The following ERC2 variants were observed in gnomAD, a reference collection of about 807,000 sequenced individuals.
The protein encoded by ERC2 is ERC protein 2.
Under a neutral mutation model 114.8 loss-of-function variants are expected in ERC2, and 42 were observed. The ratio of observed to expected loss-of-function variants is 0.37; its 90% CI spans 0.29 to 0.47. ERC2 has a LOEUF of 0.47. Among genes scored for constraint, ERC2 ranks in the 20% least tolerant of loss-of-function variants. The pLI is 0.99. For synonymous variants in ERC2, 454 were observed against 425.5 expected (o/e 1.07, Z -0.82); for missense variants, 939 against 1,150.7 (o/e 0.82, Z 2.66).
rs112048851 is a variant in ERC2, at chr3:56,042,773, T to C, written c.1642-23742A>G. On this transcript the variant is annotated intron_variant, in intron 7 of 17. Transcript: ENST00000288221. The stretch of plus-strand genomic sequence containing the variant: ...CTGAATTTCAGATCATTTATACAAT[T>C]CATTTTCTCTTAAAACTAATTTTAA... Among the ~76,000 whole-genome samples the C allele has an allele frequency of 5.3e-3, 806 of 152,240 alleles. 3 individuals carry two copies. Among genetic ancestry groups the C allele is most frequent in the Non-Finnish European group, 8.9e-3 (605 of 68,014 alleles).
At chr3:55,617,069 C>T (rs2059150788) in intron 17 of ERC2, among the ~76,000 whole-genome samples, 1 of 152,166 alleles carries the variant, frequency 6.6e-6, no homozygotes. Context: ...ACCCAAGACC[C>T]ACCTCCTTTA....
rs540427408 is a variant in ERC2 at position 55,620,414 on chromosome 3, A to G, written c.*39+63380T>C. ...CCCTGCTTTGAATTTCGCTTCCTCA[A>G]TTACCACAGAAAATGAGGTGTCTCA... On this transcript the variant is annotated intron_variant, in intron 17 of 17. Transcript: ENST00000288221. Among the ~76,000 whole-genome samples the G allele has an allele frequency of 4.6e-5, 7 of 152,250 alleles. No homozygotes were observed. In the East Asian group the frequency reaches 1.3e-3, roughly 29 times the overall value.
intron 17 of ERC2, among the ~76,000 whole-genome samples, chr3:55,525,627 C>T (rs1218278825): frequency 6.6e-6 from 1 of 152,158 alleles, no homozygotes; most frequent in Non-Finnish European, 1.5e-5. Context: ...CCCAGTGAAC[C>T]TCAAGCACCA....
At position 56,360,208 on chromosome 3, in the gene ERC2, C is replaced by T. The variant is rs571561079; in HGVS notation, c.658-63773G>A. Among the ~76,000 whole-genome samples, 256 of 151,942 alleles carry T rather than the reference C, an allele frequency of 1.7e-3. 1 individual carries two copies. Among genetic ancestry groups the T allele is most frequent in the African/African-American group, 5.8e-3 (242 of 41,452 alleles). On this transcript the variant is annotated intron_variant, in intron 2 of 17. Transcript: ENST00000288221. ...GGGACTACAGGCACCCACCACCACA[C>T]CTGGCTAACTTTTTGCATTTTTAGT...
chr3:56,163,236 A>G (rs777377091), intron 4 of ERC2, among the ~76,000 whole-genome samples: 1 of 151,988 alleles, frequency 6.6e-6, no homozygotes, highest in Non-Finnish European at 1.5e-5. Context: ...GAGTATGGTT[A>G]CTATGATTTC....
chr3:55,546,646 C>A (rs2054772405), intron 17 of ERC2, among the ~76,000 whole-genome samples: 1 of 152,210 alleles, frequency 6.6e-6, no homozygotes, highest in African/African-American at 2.4e-5. Flanking sequence ...TGACACCAAT[C>A]AAAACGAGGT....
At position 56,149,053 on chromosome 3, in the gene ERC2, A is replaced by G; in HGVS notation, c.1229T>C (p.Leu410Pro). 2 of 1,613,502 alleles carry G rather than the reference A, an allele frequency of 1.2e-6. No individual in the cohort carries two copies. Among genetic ancestry groups the G allele is most frequent in the Non-Finnish European group, 1.7e-6 (2 of 1,179,606 alleles). Residue 410 changes from leucine to proline, a missense_variant, in exon 5 of 18, where the codon CTG becomes CCG. This residue lies in a region of ERC2 where 148 missense variants were observed against 159.1 expected (regional missense o/e 0.93). Coordinates refer to ENST00000288221, the MANE Select transcript of ERC2 (RefSeq NM_015576.3). ...EIQMLKANGV[L>P]NTEDREEEIK... ...CTCTTCTTCGCGGTCCTCAGTGTTC[A>G]GCACACCATTGGCTTTTAACATCTG...
intron 2 of ERC2, among the ~76,000 whole-genome samples, chr3:56,318,653 T>C (rs2056981832): frequency 6.6e-6 from 1 of 151,844 alleles, no homozygotes; most frequent in African/African-American, 2.4e-5. Flanking sequence ...GAAATGTCTA[T>C]TTCTTCAAAA....
intron 2 of ERC2, among the ~76,000 whole-genome samples, chr3:56,375,949 A>G (rs781117263): frequency 2.7e-4 from 41 of 152,326 alleles, no homozygotes; most frequent in Non-Finnish European, 4.9e-4. Flanking sequence ...GAAGACCTCC[A>G]GGTAACAGCC....
At chr3:55,739,307 T>A (rs539841847) in intron 14 of ERC2, among the ~76,000 whole-genome samples, 2 of 152,350 alleles carry the variant, frequency 1.3e-5, no homozygotes, top group East Asian at 3.9e-4. Context: ...ATGGTATTTC[T>A]GGTTCTAGAT....
intron 6 of ERC2, among the ~76,000 whole-genome samples, chr3:56,134,927 T>TTTGTTC: frequency 7.7e-6 from 1 of 129,284 alleles, no homozygotes; most frequent in Non-Finnish European, 1.6e-5. Context: ...TTTGTTTTTT[T>TTTGTTC]TTGTTTTTGT....
intron 3 of ERC2, among the ~76,000 whole-genome samples, chr3:56,291,021 T>C (rs541753475): frequency 3.3e-5 from 5 of 152,204 alleles, no homozygotes; most frequent in Admixed American, 1.3e-4. Flanking sequence ...CTGCTTCCCA[T>C]CAAGATCTTA....
chr3:56,382,842 C>CA (rs1371691929), intron 2 of ERC2, among the ~76,000 whole-genome samples: 1 of 152,086 alleles, frequency 6.6e-6, no homozygotes, highest in Non-Finnish European at 1.5e-5. Flanking sequence ...CTCGAAACTG[C>CA]AAAGCCAACT....
intron 16 of ERC2, among the ~76,000 whole-genome samples, chr3:55,689,816 AAAAAG>A (rs923249504): frequency 6.6e-6 from 1 of 152,044 alleles, no homozygotes; most frequent in East Asian, 1.9e-4. Context: ...AAAAGAAAAA[AAAAAG>A]AAAAGAAAAG....
intron 14 of ERC2, among the ~76,000 whole-genome samples, chr3:55,815,970 C>A (rs1213236648): frequency 1.3e-5 from 2 of 152,186 alleles, no homozygotes; most frequent in African/African-American, 4.8e-5. Context: ...AGAGGGTAGG[C>A]AGCTGGGATT....
chr3:56,188,050 G>T (rs1560333690), intron 3 of ERC2, among the ~76,000 whole-genome samples: 1 of 152,068 alleles, frequency 6.6e-6, no homozygotes, highest in Non-Finnish European at 1.5e-5. Flanking sequence ...GATTTGCTCT[G>T]ATTAATAGGG....
At chr3:55,595,789 A>G (rs2058097791) in intron 17 of ERC2, among the ~76,000 whole-genome samples, 1 of 152,232 alleles carries the variant, frequency 6.6e-6, no homozygotes, top group Non-Finnish European at 1.5e-5. Context: ...TTTGCTTGGA[A>G]GCCGCCATGT....
intron 17 of ERC2, chr3:55,647,182 C>T (rs896756595): frequency 6.6e-6 from 1 of 152,098 alleles, no homozygotes; most frequent in African/African-American, 2.4e-5. Context: ...CCTCCCCTGC[C>T]CAGTTCTCGT....
At chr3:56,291,329 T>A (rs1387043704) in intron 3 of ERC2, among the ~76,000 whole-genome samples, 1 of 152,202 alleles carries the variant, frequency 6.6e-6, no homozygotes, top group Non-Finnish European at 1.5e-5. Context: ...TTGGCTCACA[T>A]TAGCACATCA....
Sources: allele counts gnomAD v4.1 joint callset (sites outside exome capture counted in the v4.1 genomes callset), GRCh38; gene constraint gnomAD v4.1.1; regional missense constraint gnomAD v4.1.1; transcripts MANE v1.5; gene names NCBI Gene and HGNC (gene_info 2026-07-23, HGNC 2026-07-21).